HERC4: variants seen among roughly 807,000 people sequenced by gnomAD.
HERC4 encodes HECT and RLD domain containing E3 ubiquitin protein ligase 4.
HERC4 carries 28 observed loss-of-function variants against 124.3 expected under a neutral mutation model. That is an observed-to-expected ratio of 0.23 (90% CI 0.17 to 0.31). The LOEUF is 0.31. HERC4 is among the 10% of genes least tolerant of loss of function. HERC4 has a pLI of 1.00. For synonymous variants in HERC4, 407 were observed against 421.5 expected (o/e 0.97, Z 0.42); for missense variants, 713 against 1,229.3 (o/e 0.58, Z 6.28).
At chr10:68,001,283 G>A (rs1487021893) in intron 9 of HERC4, among the ~76,000 whole-genome samples, 1 of 151,706 alleles carries the variant, frequency 6.6e-6, no homozygotes, top group African/African-American at 2.4e-5. Flanking sequence ...GAGGTGAAAG[G>A]ACTGCTTGAG....
rs151320563 is a variant in HERC4 at position 67,936,637 on chromosome 10, C to G, written c.2572-402G>C. On this transcript the variant is annotated intron_variant, in intron 21 of 24. Transcript: ENST00000373700. ...TGACAACTGCTACTCCAGGGTTCCT[C>G]TATCACCCTTGTTGTAAACTTTATC... Among the ~76,000 whole-genome samples the G allele has an allele frequency of 1.8e-3, 278 of 152,316 alleles. 2 individuals are homozygous for G. Among genetic ancestry groups the G allele is most frequent in the African/African-American group, 6.3e-3 (260 of 41,570 alleles).
At chr10:68,039,714 G>T in intron 4 of HERC4, 1 of 1,338,156 alleles carries the variant, frequency 7.5e-7, no homozygotes, top group Admixed American at 3.1e-5. Flanking sequence ...TCAAACACTG[G>T]CAATGCAAAC....
intron 15 of HERC4, among the ~76,000 whole-genome samples, chr10:67,967,146 G>A (rs1172158137): frequency 6.6e-6 from 1 of 152,168 alleles, no homozygotes; most frequent in Non-Finnish European, 1.5e-5. Flanking sequence ...GAGCCACCAC[G>A]CCTGGCCAAG....
chr10:67,958,976 T>TA, intron 16 of HERC4: 1 of 552,278 alleles, frequency 1.8e-6, no homozygotes, highest in Non-Finnish European at 3.1e-6. Flanking sequence ...GACTGTATTT[T>TA]AAAAAATGAT....
At chr10:68,008,654 T>C (rs1211858448) in intron 9 of HERC4, among the ~76,000 whole-genome samples, 2 of 152,026 alleles carry the variant, frequency 1.3e-5, no homozygotes, top group East Asian at 1.9e-4. Context: ...TCTTAAAAAA[T>C]AGAAAATAAT....
At chr10:68,035,240 T>C (rs2039400881) in intron 5 of HERC4, among the ~76,000 whole-genome samples, 2 of 151,444 alleles carry the variant, frequency 1.3e-5, no homozygotes, top group South Asian at 4.2e-4. Flanking sequence ...GCAACCTCCA[T>C]CTCCCGGGTT....
Position 67,932,527 on chromosome 10 carries a change from A to G in HERC4, c.2838+70T>C, listed in dbSNP as rs534256235. On this transcript the variant is annotated intron_variant, in intron 23 of 24. Coordinates refer to ENST00000373700, the MANE Select transcript of HERC4 (RefSeq NM_015601.4). ...TAAAGTGTATAAAATAAAAAATAAT[A>G]CATAAAAAGGCAAGATTTCCATATA... The G allele has an allele frequency of 2.6e-4, 348 of 1,345,808 alleles. 5 individuals are homozygous for G. The South Asian group carries it at 4.4e-3, about 17-fold the overall frequency. 83.4% of individuals were successfully genotyped at this position (1,345,808 alleles called of 1,614,324 possible).
At chr10:68,018,870 C>CAAT (rs1322824672) in intron 8 of HERC4, among the ~76,000 whole-genome samples, 1 of 138,398 alleles carries the variant, frequency 7.2e-6, no homozygotes, top group African/African-American at 2.7e-5. Context: ...CCTAGAGATT[C>CAAT]AATGCACTAC....
In HERC4 at chr10:67,966,793, T is replaced by C; in HGVS notation, c.1816A>G (p.Lys606Glu). ...VLEILHRVNE[K>E]MGQIIQYDKF... The stretch of plus-strand genomic sequence containing the variant: ...TCATACTGTATAATCTGTCCCATTT[T>C]CTCATTTACCTACAAAAGAAAATGT... The change falls in exon 16 of 25, where the codon AAA (lysine) becomes GAA (glutamate). Residue 606 changes from lysine (K) to glutamate (E), a missense_variant. Lys to Glu is a moderately conservative substitution (Grantham distance 56). Coordinates refer to ENST00000373700, the MANE Select transcript of HERC4 (RefSeq NM_015601.4). 1 of 1,545,656 alleles carries C rather than the reference T, an allele frequency of 6.5e-7. No homozygotes were observed.
intron 24 of HERC4, among the ~76,000 whole-genome samples, chr10:67,923,893 T>C (rs747098882): frequency 2.0e-5 from 3 of 152,132 alleles, no homozygotes; most frequent in Admixed American, 6.5e-5. Flanking sequence ...TTTGGACACA[T>C]AAATTCTGAC....
intron 8 of HERC4, among the ~76,000 whole-genome samples, chr10:68,023,950 T>C (rs1348561974): frequency 6.6e-6 from 1 of 152,142 alleles, no homozygotes; most frequent in Non-Finnish European, 1.5e-5. Context: ...TTAAGTAAAA[T>C]ATTAATAAAT....
rs114028476 is a variant in HERC4 at position 68,068,892 on chromosome 10, G to A, written c.226+3991C>T. 1,376 of 226,226 alleles carry A rather than the reference G, an allele frequency of 6.1e-3. 29 individuals are homozygous for A. The highest frequency in any genetic ancestry group is 0.03 in the African/African-American group (1,268 of 42,852). 14.0% of individuals were successfully genotyped at this position (226,226 alleles called of 1,614,324 possible). A position where few individuals can be genotyped will look rare whatever the true frequency, so the allele number is the denominator to read the frequency against. On this transcript the variant is annotated intron_variant, in intron 3 of 24. Transcript: ENST00000373700. The stretch of plus-strand genomic sequence containing the variant: ...CTCAGTGTCCTCATCTGTAAAATGC[G>A]GACCATGATACCTGCCTTAGCTACA...
At chr10:67,979,605 C>G (rs975212463) in intron 15 of HERC4, among the ~76,000 whole-genome samples, 1 of 152,046 alleles carries the variant, frequency 6.6e-6, no homozygotes, top group Non-Finnish European at 1.5e-5. Flanking sequence ...TGTAGAACAC[C>G]AAGCAGACTT....
rs768914387 is a variant in HERC4 at position 67,927,379 on chromosome 10, CATATATATAT to C, written c.2839-2202_2839-2193del. On this transcript the variant is annotated intron_variant, in intron 23 of 24. Coordinates refer to ENST00000373700, the MANE Select transcript of HERC4 (RefSeq NM_015601.4). ...ATCAAAGTGTTAAGAATAAATACAC[CATATATATAT>C]ATATATATATATATATATATATATA... Among the ~76,000 whole-genome samples, 255 of 87,664 alleles carry C rather than the reference CATATATATAT, an allele frequency of 2.9e-3. 3 individuals are homozygous for C. Among genetic ancestry groups the C allele is most frequent in the Middle Eastern group, 0.011 (2 of 180 alleles). The allele number at this position is 87,664 out of a possible 152,430, so 57.5% of individuals were successfully genotyped here. A position where few individuals can be genotyped will look rare whatever the true frequency, so the allele number is the denominator to read the frequency against.
At chr10:68,010,449 C>T (rs929476721) in intron 9 of HERC4, 17 of 940,072 alleles carry the variant, frequency 1.8e-5, no homozygotes, top group African/African-American at 1.5e-4. Flanking sequence ...GCCCTTCTGG[C>T]GCCAATTACA....
rs752967547 is a variant in HERC4 at position 67,988,710 on chromosome 10, T to C, written c.1759A>G (p.Asn587Asp). 6.3e-7 allele frequency: 1 copy of C among 1,598,086 alleles called. No homozygotes were observed. Among genetic ancestry groups the C allele is most frequent in the Non-Finnish European group, 8.5e-7 (1 of 1,173,558 alleles). The change falls in exon 15 of 25, where the codon AAC (asparagine) becomes GAC (aspartate). Residue 587 changes from asparagine (N) to aspartate (D), a missense_variant. Physicochemically the swap from Asn to Asp is conservative, Grantham distance 23. Coordinates refer to ENST00000373700, the MANE Select transcript of HERC4 (RefSeq NM_015601.4). ...GIPPSERRIF[N>D]SFLHTALKVL... The stretch of plus-strand genomic sequence containing the variant: ...TTTAATGCAGTATGAAGAAAACTGT[T>C]GAAAATTCTTCTTTCAGAAGGGGGA...
rs2035013488 is a variant in HERC4, at chr10:67,968,267, CTA to C, written c.1807-1467_1807-1466del. 2.0e-5 allele frequency among the ~76,000 whole-genome samples: 3 copies of C among 152,236 alleles called. No individual in the cohort carries two copies. The South Asian group carries it at 6.2e-4, about 32-fold the overall frequency. On this transcript the variant is annotated intron_variant, in intron 15 of 24. Coordinates refer to ENST00000373700, the MANE Select transcript of HERC4 (RefSeq NM_015601.4). ...ATTCCCCCCACATCCTTGGCTAACT[CTA>C]AACCATGAATGCACAAGGCACAAAG...
chr10:67,962,343 A>G (rs1429691208), intron 16 of HERC4, among the ~76,000 whole-genome samples: 1 of 152,136 alleles, frequency 6.6e-6, no homozygotes, highest in Non-Finnish European at 1.5e-5. Flanking sequence ...AAATATTAGT[A>G]TGTATGCATT....
At chr10:67,947,588 T>A (rs1297703224) in intron 19 of HERC4, among the ~76,000 whole-genome samples, 3 of 152,132 alleles carry the variant, frequency 2.0e-5, no homozygotes, top group African/African-American at 7.2e-5. Flanking sequence ...CTGAACTACA[T>A]TATAAACCAA....
Sources: allele counts gnomAD v4.1 joint callset (sites outside exome capture counted in the v4.1 genomes callset), GRCh38; gene constraint gnomAD v4.1.1; transcripts MANE v1.5; gene names NCBI Gene and HGNC (gene_info 2026-07-23, HGNC 2026-07-21).